KY: variants seen among roughly 807,000 people sequenced by gnomAD.
The protein encoded by KY is kyphoscoliosis peptidase.
In KY, 43 loss-of-function variants were observed where a neutral mutation model predicts 76.1. That is an observed-to-expected ratio of 0.57 (90% confidence interval 0.44 to 0.73). The LOEUF is 0.73. Ranked by LOEUF, KY falls within the 30% of genes least tolerant of loss-of-function variation. The pLI, the probability that KY is intolerant of heterozygous loss-of-function variation, is 0.00. For missense variants in KY, 722 were observed against 828.9 expected, an observed-to-expected ratio of 0.87 and a Z score of 1.58; for synonymous variants, 277 against 326.2, an observed-to-expected ratio of 0.85 and a Z score of 1.63.
intron 3 of KY, among the ~76,000 whole-genome samples, chr3:134,639,065 T>G (rs1051730431): frequency 2.1e-5 from 3 of 144,632 alleles, no homozygotes; most frequent in Non-Finnish European, 4.5e-5. Flanking sequence ...TTTTTCTACT[T>G]TGGAGTTTTT....
intron 6 of KY, among the ~76,000 whole-genome samples, chr3:134,623,681 G>A (rs939562517): frequency 6.6e-6 from 1 of 152,026 alleles, no homozygotes; most frequent in African/African-American, 2.4e-5. Flanking sequence ...CCACCCACCT[G>A]AGGACTGAGG....
At chr3:134,607,648 C>G (rs527838141) in intron 10 of KY, 1 of 985,650 alleles carries the variant, frequency 1.0e-6, no homozygotes, top group South Asian at 4.7e-5. Context: ...CAGAGAAGGC[C>G]CTGCTTTTTT....
intron 1 of KY, 53 bp from the exon 2 acceptor site, chr3:134,647,550 G>T: frequency 8.8e-7 from 1 of 1,133,458 alleles, no homozygotes; most frequent in Non-Finnish European, 1.3e-6. Context: ...AAAGAGTGAT[G>T]TACCAGTTGC....
intron 3 of KY, among the ~76,000 whole-genome samples, chr3:134,635,452 G>A (rs540782722): frequency 4.4e-5 from 6 of 135,822 alleles, no homozygotes; most frequent in South Asian, 2.4e-4. Flanking sequence ...AGCCGAGATC[G>A]TGCCACTGCA....
In KY at chr3:134,601,165, T is replaced by C. The variant is rs1958946077; in HGVS notation, c.*2414A>G. The C allele has an allele frequency of 6.6e-6, 1 of 152,194 alleles. No individual in the cohort carries two copies. Among genetic ancestry groups the C allele is most frequent in the African/African-American group, 2.4e-5 (1 of 41,452 alleles). The allele number at this position is 152,194 out of a possible 1,614,324, so 9.4% of individuals were successfully genotyped here. A position where few individuals can be genotyped will look rare whatever the true frequency, so the allele number is the denominator to read the frequency against. On this transcript the variant is annotated 3_prime_UTR_variant, in exon 11 of 11. Coordinates refer to ENST00000423778, the MANE Select transcript of KY (RefSeq NM_178554.6). ...AAAAATTCATGAAGATTAGATTTCA[T>C]TTCATGTATTTTTACTTCAGTGGAA... is the stretch of plus-strand genomic sequence containing the variant.
At chr3:134,613,566 T>G (rs1432278224) in intron 8 of KY, among the ~76,000 whole-genome samples, 2 of 152,188 alleles carry the variant, frequency 1.3e-5, no homozygotes, top group East Asian at 3.9e-4. Flanking sequence ...GAGAGAAATG[T>G]TGGCATTAAA....
chr3:134,617,481 A>C (rs1961767772), intron 8 of KY, among the ~76,000 whole-genome samples: 1 of 152,188 alleles, frequency 6.6e-6, no homozygotes, highest in Non-Finnish European at 1.5e-5. Context: ...TATACAATCG[A>C]TAGGATGTAT....
chr3:134,644,596 C>A (rs1966209314), intron 2 of KY, among the ~76,000 whole-genome samples: 1 of 152,226 alleles, frequency 6.6e-6, no homozygotes, highest in Non-Finnish European at 1.5e-5. Flanking sequence ...GTGGGCTTGT[C>A]ACTGGAAGTG....
chr3:134,619,259 T>C lies in KY; in HGVS notation c.599A>G (p.Asp200Gly), dbSNP rs749812996. The change falls in exon 8 of 11, where the codon GAC becomes GGC. Residue 200 changes from aspartate to glycine, a missense_variant. By Grantham distance (94) the Asp-to-Gly change is moderately conservative (BLOSUM62 -1). Around this residue, in one of 2 missense-constraint regions of KY, gnomAD observed 552 missense variants for 680.9 expected, o/e 0.81. Coordinates refer to ENST00000423778, the MANE Select transcript of KY (RefSeq NM_178554.6). ...GTCCTTCTCCTGAGCAGCTGCAATG[T>C]CATACTCTATAGGGCAGGTGAGGGG... is the stretch of plus-strand genomic sequence containing the variant. ...WIWICHHIEYDIAAAQEKDRQ... is the reference protein window; with the variant it reads ...WIWICHHIEYGIAAAQEKDRQ... The C allele has an allele frequency of 1.2e-5, 19 of 1,612,902 alleles. No homozygotes were observed. The Admixed American group carries it at 2.0e-4, about 17-fold the overall frequency.
At chr3:134,645,423 C>T (rs1966322930) in intron 2 of KY, among the ~76,000 whole-genome samples, 1 of 152,220 alleles carries the variant, frequency 6.6e-6, no homozygotes, top group Admixed American at 6.5e-5. Flanking sequence ...CAGCCACTTC[C>T]TTCTAAGATG....
Position 134,602,580 on chromosome 3 carries a change from C to T in KY, c.*999G>A, listed in dbSNP as rs1235216391. ...AAAGTGTGAGTCTCCTCGGCATTGC[C>T]GCACTGCACTACTCACCTGATCTGC... On this transcript the variant is annotated 3_prime_UTR_variant, in exon 11 of 11. Transcript: ENST00000423778. Among the ~76,000 whole-genome samples, 1 of 152,164 alleles carries T rather than the reference C, an allele frequency of 6.6e-6. No homozygotes were observed. Among genetic ancestry groups the T allele is most frequent in the African/African-American group, 2.4e-5 (1 of 41,452 alleles).
intron 3 of KY, among the ~76,000 whole-genome samples, chr3:134,634,431 T>C (rs1964646644): frequency 6.6e-6 from 1 of 152,082 alleles, no homozygotes; most frequent in Admixed American, 6.6e-5. Context: ...TAATAAAAAA[T>C]AGACTCACAC....
At chr3:134,648,901 AAGG>A (rs1322004792) in intron 1 of KY, among the ~76,000 whole-genome samples, 4 of 152,214 alleles carry the variant, frequency 2.6e-5, no homozygotes, top group African/African-American at 9.6e-5. Flanking sequence ...GTGGAGGAGA[AAGG>A]AGGAGATACC....
chr3:134,620,994 G>A (rs1318715580), intron 6 of KY, 137 bp from the exon 7 acceptor site: 8 of 631,776 alleles, frequency 1.3e-5, no homozygotes, highest in Non-Finnish European at 2.3e-5. Flanking sequence ...GGCAAAGGCT[G>A]GCTGAGGACA....
intron 7 of KY, among the ~76,000 whole-genome samples, chr3:134,619,765 T>G (rs533676540): frequency 2.6e-5 from 4 of 152,182 alleles, no homozygotes; most frequent in Non-Finnish European, 5.9e-5. Flanking sequence ...AAGGCAGAAG[T>G]CTCTGTAGCT....
chr3:134,642,045 C>T (rs1577803051), intron 3 of KY, among the ~76,000 whole-genome samples: 1 of 152,112 alleles, frequency 6.6e-6, no homozygotes, highest in African/African-American at 2.4e-5. Context: ...TCCTGCTGGG[C>T]CCACAGAGGT....
At chr3:134,618,812 C>T (rs1238166063) in intron 8 of KY, among the ~76,000 whole-genome samples, 1 of 152,254 alleles carries the variant, frequency 6.6e-6, no homozygotes, top group African/African-American at 2.4e-5. Flanking sequence ...TTGGCATCTG[C>T]AGTCACTGTC....
At position 134,608,754 on chromosome 3, in the gene KY, G is replaced by T. The variant is rs758059434; in HGVS notation, c.985C>A (p.Pro329Thr). The T allele has an allele frequency of 1.2e-6, 2 of 1,614,028 alleles. No homozygotes were observed. The highest frequency in any genetic ancestry group is 1.7e-6 in the Non-Finnish European group (2 of 1,179,894). ...TCAAACTGCCTCAGAGATTGAGGAG[G>T]TTTTAGCAGCTGCCAGTTCTTGTTG... ...PDNKNWQLLK[P>T]PQSLRQFENN... is the part of the protein sequence containing the mutation. The change falls in exon 10 of 11, where the codon CCT (proline) becomes ACT (threonine). Residue 329 changes from proline to threonine, a missense_variant. Transcript: ENST00000423778.
At chr3:134,609,609 A>C (rs1959960855) in intron 9 of KY, among the ~76,000 whole-genome samples, 1 of 152,180 alleles carries the variant, frequency 6.6e-6, no homozygotes. Flanking sequence ...GGTTAAGGCC[A>C]GGATTGGCCA....
Sources: gnomAD v4.1 joint callset for allele counts (sites outside exome capture counted in the v4.1 genomes callset) on GRCh38, gnomAD v4.1.1 for gene constraint, gnomAD v4.1.1 regional missense constraint, MANE v1.5 for transcripts, NCBI Gene and HGNC (gene_info 2026-07-23, HGNC 2026-07-21) for gene names.